Variants in CNTN4 observed in about 807,000 individuals in gnomAD.
The protein encoded by CNTN4 is contactin 4, also known as contactin-4.
CNTN4 carries 77 observed loss-of-function variants against 122.5 expected under a neutral mutation model. The ratio of observed to expected loss-of-function variants is 0.63; its 90% CI spans 0.52 to 0.76. The LOEUF (loss-of-function observed/expected upper bound fraction) is 0.76. CNTN4 is among the 30% of genes least tolerant of loss of function. CNTN4 has a pLI of 0.00. For synonymous variants in CNTN4, 512 were observed against 447.0 expected (o/e 1.15, Z -1.83); for missense variants, 1,256 against 1,259.1 (o/e 1.00, Z 0.04).
intron 3 of CNTN4, among the ~76,000 whole-genome samples, chr3:2,477,101 A>G (rs543852300): frequency 1.3e-5 from 2 of 152,330 alleles, no homozygotes; most frequent in African/African-American, 4.8e-5. Flanking sequence ...GAAATTGAAC[A>G]AAAATAAATG....
In CNTN4 at chr3:2,449,634, A is replaced by T. The variant is rs893855633; in HGVS notation, c.-89+110401A>T. ...CATCTCAAAAAAAAAAAAAAAAAAA[A>T]TGCAGACTGCTAGCTCTTTGAGATC... On this transcript the variant is annotated intron_variant, in intron 3 of 24. Transcript: ENST00000418658. 8.7e-3 allele frequency among the ~76,000 whole-genome samples: 1,281 copies of T among 146,782 alleles called. 17 individuals carry two copies. The highest frequency in any genetic ancestry group is 0.03 in the African/African-American group (1,202 of 40,536).
chr3:2,253,751 C>T (rs1485094257), intron 2 of CNTN4, among the ~76,000 whole-genome samples: 2 of 152,054 alleles, frequency 1.3e-5, no homozygotes, highest in Non-Finnish European at 2.9e-5. Context: ...GATCTATCCT[C>T]CCGCCTCAGC....
chr3:2,272,499 T>C (rs1019434661), intron 2 of CNTN4, among the ~76,000 whole-genome samples: 4 of 152,190 alleles, frequency 2.6e-5, no homozygotes, highest in African/African-American at 9.7e-5. Flanking sequence ...GTAGTTTGGT[T>C]GTCTTACAAT....
At chr3:2,122,792 T>A (rs1432941468) in intron 2 of CNTN4, among the ~76,000 whole-genome samples, 1 of 152,212 alleles carries the variant, frequency 6.6e-6, no homozygotes, top group Non-Finnish European at 1.5e-5. Context: ...CATTTTACAA[T>A]CTGTCAACAT....
chr3:2,225,020 G>C (rs2039219104), intron 2 of CNTN4, among the ~76,000 whole-genome samples: 1 of 151,696 alleles, frequency 6.6e-6, no homozygotes, highest in Non-Finnish European at 1.5e-5. Flanking sequence ...TGCGGTGGCG[G>C]GCGCCTGTAG....
At chr3:2,609,558 T>C (rs1344330245) in intron 4 of CNTN4, among the ~76,000 whole-genome samples, 1 of 152,204 alleles carries the variant, frequency 6.6e-6, no homozygotes, top group African/African-American at 2.4e-5. Flanking sequence ...TTCTAAAATA[T>C]AGGTAGTTCT....
intron 2 of CNTN4, among the ~76,000 whole-genome samples, chr3:2,252,955 G>A (rs2040433151): frequency 6.6e-6 from 1 of 151,442 alleles, no homozygotes; most frequent in African/African-American, 2.4e-5. Flanking sequence ...TGTCTTTTAG[G>A]GACTACTATA....
At chr3:2,578,135 A>G (rs930990195) in intron 4 of CNTN4, among the ~76,000 whole-genome samples, 3 of 152,174 alleles carry the variant, frequency 2.0e-5, no homozygotes, top group Non-Finnish European at 2.9e-5. Flanking sequence ...GCTTGAATCT[A>G]TGATAGACAA....
chr3:2,830,694 C>T (rs2093085518), intron 7 of CNTN4, among the ~76,000 whole-genome samples: 1 of 152,196 alleles, frequency 6.6e-6, no homozygotes, highest in Admixed American at 6.5e-5. Context: ...ATCCAGTGGA[C>T]ATTCACTACA....
chr3:2,806,800 G>A (rs1488735117), intron 6 of CNTN4, among the ~76,000 whole-genome samples: 1 of 152,118 alleles, frequency 6.6e-6, no homozygotes, highest in Non-Finnish European at 1.5e-5. Flanking sequence ...CTTCTTGGCA[G>A]CCTCGATGGG....
chr3:2,112,181 G>C (rs1407948008), intron 2 of CNTN4, among the ~76,000 whole-genome samples: 1 of 152,084 alleles, frequency 6.6e-6, no homozygotes, highest in Non-Finnish European at 1.5e-5. Context: ...TTACTGAATA[G>C]GCTCTCATCT....
At chr3:2,556,300 C>T (rs1203075683) in intron 3 of CNTN4, among the ~76,000 whole-genome samples, 1 of 152,124 alleles carries the variant, frequency 6.6e-6, no homozygotes, top group Non-Finnish European at 1.5e-5. Flanking sequence ...TGTTTTAAGA[C>T]AGCAGAACTG....
Position 2,745,629 on chromosome 3 carries a change from C to G in CNTN4, c.290C>G (p.Thr97Arg). The stretch of plus-strand genomic sequence containing the variant: ...CCCAATAAAACCCAAGATGCTGGAA[C>G]GTACCAGTGCACAGCGACAAACTCG... ...NNPNKTQDAGTYQCTATNSFG... is the reference protein window; with the variant it reads ...NNPNKTQDAGRYQCTATNSFG... Residue 97 changes from threonine (T) to arginine (R), a missense_variant, in exon 6 of 25, where the codon ACG (threonine) becomes AGG (arginine). Transcript: ENST00000418658. 1 of 1,614,102 alleles carries G rather than the reference C, an allele frequency of 6.2e-7. No homozygotes were observed. Among genetic ancestry groups the G allele is most frequent in the Non-Finnish European group, 8.5e-7 (1 of 1,179,982 alleles).
chr3:2,429,052 C>A (rs2047955849), intron 3 of CNTN4, among the ~76,000 whole-genome samples: 1 of 151,792 alleles, frequency 6.6e-6, no homozygotes, highest in Non-Finnish European at 1.5e-5. Context: ...TTTGTTATTA[C>A]CGATCGTCTG....
chr3:2,301,014 C>A (rs2042496351), intron 2 of CNTN4, among the ~76,000 whole-genome samples: 1 of 152,108 alleles, frequency 6.6e-6, no homozygotes. Flanking sequence ...GAAAATATTG[C>A]TGTTATTACT....
At chr3:2,796,087 A>G (rs1159932817) in intron 6 of CNTN4, among the ~76,000 whole-genome samples, 2 of 152,140 alleles carry the variant, frequency 1.3e-5, no homozygotes, top group African/African-American at 4.8e-5. Context: ...CGTAAGATGT[A>G]AAGGTTAAGG....
rs371475188 is a variant in CNTN4, at chr3:2,170,184, G to A, written c.-145+69545G>A. Among the ~76,000 whole-genome samples the A allele has an allele frequency of 6.3e-3, 880 of 140,452 alleles. 4 individuals are homozygous for A. Among genetic ancestry groups the A allele is most frequent in the African/African-American group, 0.025 (841 of 33,622 alleles). The allele number at this position is 140,452 out of a possible 152,430, so 92.1% of individuals were successfully genotyped here. A position where few individuals can be genotyped will look rare whatever the true frequency, so the allele number is the denominator to read the frequency against. Reference sequence around the variant, plus strand: ...AAAATACAAAAAATTAGCCGGGCGTGGTGGCGGCGCCTGTAGTCCCAGCTA... The same window carrying A: ...AAAATACAAAAAATTAGCCGGGCGTAGTGGCGGCGCCTGTAGTCCCAGCTA... On this transcript the variant is annotated intron_variant, in intron 2 of 24. Transcript: ENST00000418658.
chr3:2,696,051 CTG>C (rs989213416), intron 4 of CNTN4, among the ~76,000 whole-genome samples: 6 of 152,254 alleles, frequency 3.9e-5, no homozygotes, highest in African/African-American at 1.2e-4. Context: ...GTGTCTATCT[CTG>C]TAAGTGTGTA....
chr3:2,912,531 T>G (rs1166599281), intron 12 of CNTN4, among the ~76,000 whole-genome samples: 1 of 152,034 alleles, frequency 6.6e-6, no homozygotes, highest in Non-Finnish European at 1.5e-5. Context: ...CAGACAAATA[T>G]AAAATCCTGT....
Sources: gnomAD v4.1 joint callset for allele counts (sites outside exome capture counted in the v4.1 genomes callset) on GRCh38, gnomAD v4.1.1 for gene constraint, MANE v1.5 for transcripts, NCBI Gene and HGNC (gene_info 2026-07-23, HGNC 2026-07-21) for gene names.